Variants in DCC observed in about 807,000 individuals in gnomAD.
DCC encodes the protein netrin receptor DCC.
A neutral mutation model predicts 172.5 loss-of-function variants in DCC; 58 were observed. The observed-to-expected ratio is 0.34, with a 90% CI of 0.27 to 0.42. DCC has a LOEUF of 0.42. Among genes scored for constraint, DCC ranks in the 10% least tolerant of loss-of-function variants. The pLI is 1.00. For synonymous variants in DCC, 709 were observed against 644.5 expected (o/e 1.10, Z -1.52); for missense variants, 1,740 against 1,791.0 (o/e 0.97, Z 0.51).
intron 25 of DCC, among the ~76,000 whole-genome samples, chr18:53,478,643 G>A (rs915599902): frequency 3.3e-5 from 5 of 152,174 alleles, no homozygotes; most frequent in Non-Finnish European, 7.3e-5. Flanking sequence ...AGCAAAGGAA[G>A]TTATACACTT....
At chr18:53,159,526 T>C (rs547961278) in intron 8 of DCC, among the ~76,000 whole-genome samples, 13 of 152,310 alleles carry the variant, frequency 8.5e-5, no homozygotes, top group African/African-American at 2.9e-4. Context: ...TTTTGAAATA[T>C]AGTTTTGATC....
At chr18:52,500,498 T>C (rs955875543) in intron 1 of DCC, among the ~76,000 whole-genome samples, 2 of 152,182 alleles carry the variant, frequency 1.3e-5, no homozygotes, top group Non-Finnish European at 2.9e-5. Flanking sequence ...GTAATACTTG[T>C]TGCAGGGAAT....
At chr18:53,516,157 C>T (rs1490593655) in intron 27 of DCC, among the ~76,000 whole-genome samples, 1 of 150,956 alleles carries the variant, frequency 6.6e-6, no homozygotes, top group Non-Finnish European at 1.5e-5. Context: ...ATATCTACAA[C>T]TATGTGATCT....
chr18:52,522,568 A>C (rs2031854961), intron 1 of DCC, among the ~76,000 whole-genome samples: 1 of 152,222 alleles, frequency 6.6e-6, no homozygotes, highest in Non-Finnish European at 1.5e-5. Context: ...ACTTATATCA[A>C]AAGTATCCTA....
At chr18:52,470,037 T>C (rs182033663) in intron 1 of DCC, among the ~76,000 whole-genome samples, 3 of 152,340 alleles carry the variant, frequency 2.0e-5, no homozygotes, top group East Asian at 1.9e-4. Context: ...ATGGGATTTG[T>C]TGATTATAGG....
chr18:52,559,571 A>T (rs549127149), intron 1 of DCC, among the ~76,000 whole-genome samples: 1 of 152,334 alleles, frequency 6.6e-6, no homozygotes, highest in East Asian at 1.9e-4. Flanking sequence ...CGAATTAGGT[A>T]ATCAAAAATG....
chr18:52,626,904 G>T (rs1214686947), intron 1 of DCC, among the ~76,000 whole-genome samples: 1 of 152,110 alleles, frequency 6.6e-6, no homozygotes, highest in African/African-American at 2.4e-5. Flanking sequence ...AGCATCTGTG[G>T]ATTTTGGAAT....
At chr18:52,851,755 AC>A (rs2038977905) in intron 2 of DCC, among the ~76,000 whole-genome samples, 1 of 152,112 alleles carries the variant, frequency 6.6e-6, no homozygotes, top group Non-Finnish European at 1.5e-5. Flanking sequence ...ATTATTGAGC[AC>A]CTTTTCCATG....
At chr18:53,177,462 T>G (rs554586725) in intron 8 of DCC, among the ~76,000 whole-genome samples, 5 of 152,340 alleles carry the variant, frequency 3.3e-5, no homozygotes, top group African/African-American at 1.2e-4. Context: ...GTAACCCGTA[T>G]AACAAATAAG....
intron 1 of DCC, among the ~76,000 whole-genome samples, chr18:52,585,570 A>C (rs1209969690): frequency 6.6e-6 from 1 of 152,200 alleles, no homozygotes; most frequent in East Asian, 1.9e-4. Context: ...GGTTGACCAA[A>C]GGTAAGCCCC....
intron 1 of DCC, among the ~76,000 whole-genome samples, chr18:52,511,723 C>A (rs757607587): frequency 2.9e-4 from 44 of 152,164 alleles, no homozygotes; most frequent in Non-Finnish European, 4.1e-4. Context: ...TTTAATCTCA[C>A]AACATTTTAA....
intron 14 of DCC, among the ~76,000 whole-genome samples, chr18:53,331,107 T>C (rs1006696687): frequency 6.6e-5 from 10 of 152,236 alleles, no homozygotes; most frequent in Non-Finnish European, 1.5e-4. Context: ...TGTTGTATTT[T>C]TTCATAAATG....
chr18:52,717,194 C>A (rs1057485630), intron 1 of DCC, among the ~76,000 whole-genome samples: 3 of 152,124 alleles, frequency 2.0e-5, no homozygotes, highest in Non-Finnish European at 4.4e-5. Context: ...TATTCCACAA[C>A]CTTTGGTGCA....
intron 14 of DCC, among the ~76,000 whole-genome samples, chr18:53,328,822 G>C (rs1216787354): frequency 1.3e-5 from 2 of 152,116 alleles, no homozygotes; most frequent in African/African-American, 4.8e-5. Flanking sequence ...GCCTGCCTCA[G>C]CCTCCCAGAG....
intron 2 of DCC, among the ~76,000 whole-genome samples, chr18:52,861,519 A>T (rs2039141890): frequency 6.6e-6 from 1 of 152,222 alleles, no homozygotes; most frequent in Admixed American, 6.5e-5. Flanking sequence ...AATTTTGGAG[A>T]AATCATGTAG....
chr18:52,839,987 C>T (rs2038776263), intron 2 of DCC, among the ~76,000 whole-genome samples: 1 of 152,286 alleles, frequency 6.6e-6, no homozygotes, highest in African/African-American at 2.4e-5. Context: ...GGTCCTCAAA[C>T]TTGAGTGAGC....
chr18:52,508,013 A>T (rs1032314962), intron 1 of DCC, among the ~76,000 whole-genome samples: 1 of 152,048 alleles, frequency 6.6e-6, no homozygotes. Context: ...AGACAGGAGA[A>T]TTACTTGAAC....
chr18:53,316,844 G>C (rs1466922660), intron 13 of DCC, among the ~76,000 whole-genome samples: 1 of 152,170 alleles, frequency 6.6e-6, no homozygotes, highest in Non-Finnish European at 1.5e-5. Context: ...AGGAAATTTG[G>C]GGCTGAGATG....
intron 2 of DCC, among the ~76,000 whole-genome samples, chr18:52,849,350 A>T (rs1439277459): frequency 2.0e-5 from 3 of 152,158 alleles, no homozygotes; most frequent in African/African-American, 7.2e-5. Flanking sequence ...CTTAAAACAA[A>T]GACTGATTCC....
Sources: allele counts gnomAD v4.1 joint callset (sites outside exome capture counted in the v4.1 genomes callset), GRCh38; gene constraint gnomAD v4.1.1; transcripts MANE v1.5; gene names NCBI Gene and HGNC (gene_info 2026-07-23, HGNC 2026-07-21).